The following YIPF6 variants were observed in gnomAD, a reference collection of about 807,000 sequenced individuals.
YIPF6 encodes Yip1 domain family member 6, also known as protein YIPF6.
YIPF6 carries 3 observed loss-of-function variants against 16.8 expected under a neutral mutation model. The observed-to-expected ratio is 0.18, with a 90% CI of 0.08 to 0.46. The LOEUF (loss-of-function observed/expected upper bound fraction) is 0.46. Among genes scored for constraint, YIPF6 ranks in the 20% least tolerant of loss-of-function variants. YIPF6 has a pLI of 0.98. For missense variants in YIPF6, 145 were observed against 184.9 expected (o/e 0.78, Z 1.25); for synonymous variants, 67 against 61.9 (o/e 1.08, Z -0.38).
At chrX:68,514,239 A>AAC (rs1555998141) in intron 3 of YIPF6, 1 of 94,712 alleles carries the variant, frequency 1.1e-5, no homozygotes, top group Non-Finnish European at 2.1e-5. Flanking sequence ...AAAAAAAAAA[A>AAC]ATATATATAT....
chrX:68,518,029 C>T (rs1001184731), intron 3 of YIPF6, among the ~76,000 whole-genome samples: 1 of 109,336 alleles, frequency 9.1e-6, no homozygotes, highest in African/African-American at 3.3e-5. Flanking sequence ...AACCCCAGCA[C>T]TTTGGGAGGC....
At chrX:68,503,764 C>T (rs1569322906) in intron 1 of YIPF6, among the ~76,000 whole-genome samples, 1 of 112,345 alleles carries the variant, frequency 8.9e-6, no homozygotes, top group Non-Finnish European at 1.9e-5. Flanking sequence ...GCAACAAATT[C>T]ACGGGTTCCC....
At chrX:68,512,409 A>G (rs891426733) in intron 2 of YIPF6, among the ~76,000 whole-genome samples, 6 of 110,256 alleles carry the variant, frequency 5.4e-5, no homozygotes, top group African/African-American at 1.7e-4. Context: ...CCGAGATCGC[A>G]CCACTGCACT....
intron 1 of YIPF6, among the ~76,000 whole-genome samples, chrX:68,511,231 G>A (rs1435725746): frequency 1.8e-5 from 2 of 112,160 alleles, no homozygotes; most frequent in South Asian, 3.7e-4. Flanking sequence ...TGTATGAGAA[G>A]GCATTGCCTC....
chrX:68,524,226 T>G (rs1309298573), intron 6 of YIPF6, among the ~76,000 whole-genome samples: 1 of 110,973 alleles, frequency 9.0e-6, no homozygotes, highest in Non-Finnish European at 1.9e-5. Flanking sequence ...TGGAGTGCAG[T>G]GGCACTATCT....
At chrX:68,524,304 G>T (rs930161976) in intron 6 of YIPF6, among the ~76,000 whole-genome samples, 7 of 109,800 alleles carry the variant, frequency 6.4e-5, no homozygotes, top group Non-Finnish European at 1.1e-4. Context: ...GAGTAGCTGG[G>T]ATTACAGCTA....
At chrX:68,515,232 A>T (rs1360550538) in intron 3 of YIPF6, 1 of 107,618 alleles carries the variant, frequency 9.3e-6, no homozygotes, top group African/African-American at 3.4e-5. Flanking sequence ...AGGCTGAGGC[A>T]GGAGAATGGC....
rs186608079 is a variant in YIPF6 at position 68,535,097 on chromosome X, C to T, written c.*3098C>T. 8.9e-6 allele frequency: 1 copy of T among 112,563 alleles called. No homozygotes were observed. Among genetic ancestry groups the T allele is most frequent in the East Asian group, 2.8e-4 (1 of 3,587 alleles). 9.3% of individuals were successfully genotyped at this position (112,563 alleles called of 1,213,427 possible). On this transcript the variant is annotated 3_prime_UTR_variant, in exon 7 of 7. Transcript: ENST00000462683. ...AACCGTTAATCATTAAGTCTTTTGC[C>T]TCTAAAGTCTTTTGCCTCTGAAGAG...
Position 68,524,478 on chromosome X carries a change from C to A in YIPF6, c.592+1561C>A, listed in dbSNP as rs182326206. ...GCCACCGCACCTGGCTGATTATTTT[C>A]ATTTATTTATTTATTTGGCTAAAAA... is the stretch of plus-strand genomic sequence containing the variant. On this transcript the variant is annotated intron_variant, in intron 6 of 6. Coordinates refer to ENST00000462683, the MANE Select transcript of YIPF6 (RefSeq NM_173834.4). 3.4e-3 allele frequency among the ~76,000 whole-genome samples: 370 copies of A among 108,085 alleles called. 5 individuals are homozygous for A. The highest frequency in any genetic ancestry group is 0.012 in the African/African-American group (354 of 29,844). 93.9% of individuals were successfully genotyped at this position (108,085 alleles called of 115,157 possible).
rs189084142 is a variant in YIPF6, at chrX:68,505,324, C to A, written c.57+6201C>A. 7.2e-5 allele frequency among the ~76,000 whole-genome samples: 8 copies of A among 111,282 alleles called. No homozygotes were observed. The East Asian group carries it at 2.3e-3, about 32-fold the overall frequency. On this transcript the variant is annotated intron_variant, in intron 1 of 6. Coordinates refer to ENST00000462683, the MANE Select transcript of YIPF6 (RefSeq NM_173834.4). ...ACTAGGGGGGCTGAGACAGGAGACTCGCTTGAATCCAGGAAACAGAGGTTG... is the reference window on the plus strand; with the variant it reads ...ACTAGGGGGGCTGAGACAGGAGACTAGCTTGAATCCAGGAAACAGAGGTTG...
At chrX:68,511,099 G>A (rs918642955) in intron 1 of YIPF6, among the ~76,000 whole-genome samples, 1 of 111,472 alleles carries the variant, frequency 9.0e-6, no homozygotes, top group African/African-American at 3.3e-5. Context: ...TTGAGTTTTG[G>A]TTGTAATAAA....
At chrX:68,514,796 C>T (rs1437974415) in intron 3 of YIPF6, 1 of 112,724 alleles carries the variant, frequency 8.9e-6, no homozygotes, top group African/African-American at 3.2e-5. Context: ...TCAAGCCTAT[C>T]ATTTAGTCTG....
At chrX:68,519,824 T>C (rs924880673) in intron 4 of YIPF6, among the ~76,000 whole-genome samples, 1 of 112,284 alleles carries the variant, frequency 8.9e-6, no homozygotes, top group African/African-American at 3.2e-5. Context: ...CTATTTCTTA[T>C]GCTTTTAGTA....
At chrX:68,521,649 C>T in intron 5 of YIPF6, 152 bp downstream of exon 5, 2 of 537,443 alleles carry the variant, frequency 3.7e-6, no homozygotes, top group Non-Finnish European at 5.5e-6. Context: ...TCATGGCTTA[C>T]TGCAGCCTCT....
chrX:68,500,430 C>A (rs1260593365), intron 1 of YIPF6, among the ~76,000 whole-genome samples: 1 of 110,880 alleles, frequency 9.0e-6, no homozygotes, highest in African/African-American at 3.3e-5. Flanking sequence ...ATTCTCCTGC[C>A]TCAGCCTCCT....
intron 1 of YIPF6, among the ~76,000 whole-genome samples, chrX:68,505,840 C>T (rs1274533681): frequency 3.6e-5 from 4 of 111,677 alleles, no homozygotes; most frequent in Admixed American, 1.9e-4. Context: ...GTATTCCCTT[C>T]GCCCAGATTC....
At chrX:68,504,061 T>C (rs1346719187) in intron 1 of YIPF6, among the ~76,000 whole-genome samples, 1 of 112,083 alleles carries the variant, frequency 8.9e-6, no homozygotes, top group Non-Finnish European at 1.9e-5. Context: ...CTCATAGGAC[T>C]CAGAACAGCA....
At chrX:68,527,038 C>T (rs2079151327) in intron 6 of YIPF6, among the ~76,000 whole-genome samples, 1 of 112,091 alleles carries the variant, frequency 8.9e-6, no homozygotes, top group Admixed American at 9.5e-5. Context: ...GGAATAGTTT[C>T]AGACGGAATG....
At chrX:68,516,321 C>T (rs1176300184) in intron 3 of YIPF6, among the ~76,000 whole-genome samples, 20 of 110,969 alleles carry the variant, frequency 1.8e-4, no homozygotes, top group Non-Finnish European at 3.6e-4. Context: ...CATAATTGTT[C>T]TATATTTTTA....
Sources: allele counts gnomAD v4.1 joint callset (sites outside exome capture counted in the v4.1 genomes callset), GRCh38; gene constraint gnomAD v4.1.1; transcripts MANE v1.5; gene names NCBI Gene and HGNC (gene_info 2026-07-23, HGNC 2026-07-21).